LTA4H: variants seen among roughly 807,000 people sequenced by gnomAD.
The protein encoded by LTA4H is leukotriene A4 hydrolase, also known as leukotriene A-4 hydrolase.
LTA4H carries 59 observed loss-of-function variants against 89.8 expected under a neutral mutation model. The ratio of observed to expected loss-of-function variants is 0.66; its 90% CI spans 0.53 to 0.82. The LOEUF (loss-of-function observed/expected upper bound fraction) is 0.82, where lower values mean the gene tolerates loss of function less well. Among genes scored for constraint, LTA4H ranks in the 40% least tolerant of loss-of-function variants. LTA4H has a pLI of 0.00. For missense variants in LTA4H, 617 were observed against 727.0 expected, an observed-to-expected ratio of 0.85 and a Z score of 1.74; for synonymous variants, 227 against 253.1, an observed-to-expected ratio of 0.90 and a Z score of 0.98.
intron 3 of LTA4H, among the ~76,000 whole-genome samples, chr12:96,026,297 T>C (rs1391647041): frequency 6.6e-6 from 1 of 152,194 alleles, no homozygotes; most frequent in African/African-American, 2.4e-5. Context: ...AGCAAATTCA[T>C]CAAACAAAAT....
chr12:96,013,168 A>G lies in LTA4H; in HGVS notation c.1379+20T>C, dbSNP rs1486827702. The G allele has an allele frequency of 6.3e-7, 1 of 1,596,694 alleles. No homozygotes were observed. Among genetic ancestry groups the G allele is most frequent in the Non-Finnish European group, 8.6e-7 (1 of 1,164,290 alleles). On this transcript the variant is annotated intron_variant, in intron 14 of 18. Coordinates refer to ENST00000228740, the MANE Select transcript of LTA4H (RefSeq NM_000895.3). ...GAGTTAGGAGAATGAGAAGGAAAGC[A>G]TTAGCAGGCAAGTACTTACTTGGGC...
chr12:96,015,544 AAC>A, intron 11 of LTA4H, 37 bp downstream of exon 11: 5 of 1,452,904 alleles, frequency 3.4e-6, no homozygotes, highest in Non-Finnish European at 4.8e-6. Context: ...ACACCTATAC[AAC>A]TTTGGATGAA....
Position 96,013,276 on chromosome 12 carries a change from T to C in LTA4H, c.1309-18A>G, listed in dbSNP as rs769295932. On this transcript the variant is annotated intron_variant, in intron 13 of 18. Coordinates refer to ENST00000228740, the MANE Select transcript of LTA4H (RefSeq NM_000895.3). ...ACATCAACCTATGAATAGTAAGAAT[T>C]CACAGTTTACAATAGAATGCCCTTT... 1 of 1,582,968 alleles carries C rather than the reference T, an allele frequency of 6.3e-7. No homozygotes were observed. The highest frequency in any genetic ancestry group is 8.7e-7 in the Non-Finnish European group (1 of 1,151,826).
chr12:96,015,652 G>C lies in LTA4H; in HGVS notation c.990C>G (p.Cys330Trp). The change falls in exon 11 of 19, where the codon TGC becomes TGG. Residue 330 changes from cysteine (C) to tryptophan (W), a missense_variant. Physicochemically the swap from Cys to Trp is radical, Grantham distance 215. Coordinates refer to ENST00000228740, the MANE Select transcript of LTA4H (RefSeq NM_000895.3). ...GHTVYLERHI[C>W]GRLFGEKFRH... is the part of the protein sequence containing the mutation. ...TGAACTTTTCACCAAACAATCGTCC[G>C]CAAATGTGGCGTTCCAAGTACACAG... 3 of 1,613,838 alleles carry C rather than the reference G, an allele frequency of 1.9e-6. No homozygotes were observed. Among genetic ancestry groups the C allele is most frequent in the Non-Finnish European group, 2.5e-6 (3 of 1,179,850 alleles).
At chr12:96,005,297 T>C (rs985879101) in intron 16 of LTA4H, among the ~76,000 whole-genome samples, 1 of 152,140 alleles carries the variant, frequency 6.6e-6, no homozygotes, top group Non-Finnish European at 1.5e-5. Flanking sequence ...CCCCGCAACT[T>C]ACTCCCTCAA....
rs1391639762 is a variant in LTA4H at position 96,015,197 on chromosome 12, GTT to G, written c.1060-200_1060-199del. ...AATGCTTACTTAAGTAATATTCTCT[GTT>G]GTTTCTTGCTCAATAATACAGGCTT... is the stretch of plus-strand genomic sequence containing the variant. On this transcript the variant is annotated intron_variant, in intron 11 of 18. Coordinates refer to ENST00000228740, the MANE Select transcript of LTA4H (RefSeq NM_000895.3). The G allele has an allele frequency of 2.3e-5, 12 of 515,842 alleles. No homozygotes were observed. The African/African-American group carries it at 2.3e-4, about 10-fold the overall frequency. The allele number at this position is 515,842 out of a possible 1,614,324, so 32.0% of individuals were successfully genotyped here.
At chr12:96,041,930 C>T (rs573523195) in intron 1 of LTA4H, among the ~76,000 whole-genome samples, 3 of 151,692 alleles carry the variant, frequency 2.0e-5, no homozygotes, top group Non-Finnish European at 4.4e-5. Flanking sequence ...CGTGAGCCAC[C>T]GCGCCTGGCC....
intron 16 of LTA4H, among the ~76,000 whole-genome samples, chr12:96,005,264 T>C (rs1031696109): frequency 1.3e-5 from 2 of 152,146 alleles, no homozygotes; most frequent in African/African-American, 4.8e-5. Flanking sequence ...GTAAACTCTT[T>C]CTCACGTCCT....
Position 96,002,970 on chromosome 12 carries a change from G to A in LTA4H, c.1708C>T (p.Pro570Ser), listed in dbSNP as rs1320054885. The A allele has an allele frequency of 6.3e-7, 1 of 1,596,556 alleles. No individual in the cohort carries two copies. The highest frequency in any genetic ancestry group is 1.7e-4 in the Middle Eastern group (1 of 6,054). ...TGAGTGGGTTCTTACTTGAATAAGG[G>A]CCGGGTAAACTTCATTCTTCCTTGT... ...TEQGRMKFTR[P>S]LFKDLAAFDK... Residue 570 changes from proline (P) to serine (S), a missense_variant, in exon 18 of 19, where the codon CCC (proline) becomes TCC (serine). Transcript: ENST00000228740.
intron 4 of LTA4H, among the ~76,000 whole-genome samples, chr12:96,024,154 G>C (rs1250870097): frequency 6.6e-6 from 1 of 151,956 alleles, no homozygotes. Context: ...GGATGGTCTC[G>C]ATCTCCTGAC....
intron 16 of LTA4H, among the ~76,000 whole-genome samples, chr12:96,005,811 T>C (rs778235761): frequency 7.3e-5 from 11 of 151,506 alleles, no homozygotes; most frequent in Admixed American, 2.6e-4. Flanking sequence ...TACAGGGGTG[T>C]GATCTCGGCT....
chr12:96,017,434 G>A, intron 9 of LTA4H, 123 bp downstream of exon 9: 1 of 776,350 alleles, frequency 1.3e-6, no homozygotes, highest in Admixed American at 2.9e-5. Context: ...TTAATAATGT[G>A]AGAAGAGTCC....
At chr12:96,015,535 C>T (rs372111060) in intron 11 of LTA4H, 48 bp downstream of exon 11, 605 of 1,337,164 alleles carry the variant, frequency 4.5e-4, no homozygotes, top group Non-Finnish European at 6.0e-4. Flanking sequence ...CAGTTTTTAA[C>T]ACCTATACAA....
chr12:96,013,183 C>T lies in LTA4H; in HGVS notation c.1379+5G>A, dbSNP rs1950328804. ...GAAGGAAAGCATTAGCAGGCAAGTA[C>T]TTACTTGGGCTTTATGGGAGGCAGT... On this transcript the variant is annotated splice_donor_5th_base_variant and intron_variant, in intron 14 of 18. Coordinates refer to ENST00000228740, the MANE Select transcript of LTA4H (RefSeq NM_000895.3). The T allele has an allele frequency of 6.2e-7, 1 of 1,611,194 alleles. No homozygotes were observed. The highest frequency in any genetic ancestry group is 8.5e-7 in the Non-Finnish European group (1 of 1,177,550).
chr12:96,024,071 A>G (rs1246857353), intron 4 of LTA4H, among the ~76,000 whole-genome samples: 1 of 151,916 alleles, frequency 6.6e-6, no homozygotes, highest in African/African-American at 2.4e-5. Context: ...CTGGGACTAC[A>G]GGTGCCCGCC....
At chr12:96,016,913 A>T in intron 10 of LTA4H, 131 bp downstream of exon 10, 1 of 675,960 alleles carries the variant, frequency 1.5e-6, no homozygotes, top group Middle Eastern at 4.1e-4. Flanking sequence ...AAAAAAAAAA[A>T]TCCTTGCCTA....
intron 1 of LTA4H, among the ~76,000 whole-genome samples, chr12:96,042,971 C>T (rs983272449): frequency 5.3e-5 from 8 of 152,182 alleles, no homozygotes; most frequent in African/African-American, 1.9e-4. Flanking sequence ...CTGTGGCCAC[C>T]AGGTCTGTCA....
intron 11 of LTA4H, 29 bp downstream of exon 11, chr12:96,015,554 G>T: frequency 6.7e-7 from 1 of 1,503,234 alleles, no homozygotes; most frequent in Non-Finnish European, 9.2e-7. Context: ...AACTTTGGAT[G>T]AAGGTTTTTA....
chr12:96,032,863 C>T (rs768172436), intron 1 of LTA4H, among the ~76,000 whole-genome samples: 1 of 152,062 alleles, frequency 6.6e-6, no homozygotes, highest in Non-Finnish European at 1.5e-5. Flanking sequence ...CTCTTGCTTA[C>T]TTATAGAACA....
Sources: allele counts gnomAD v4.1 joint callset (sites outside exome capture counted in the v4.1 genomes callset), GRCh38; gene constraint gnomAD v4.1.1; transcripts MANE v1.5; gene names NCBI Gene and HGNC (gene_info 2026-07-23, HGNC 2026-07-21).